The following C10orf90 variants were observed in gnomAD, a reference collection of about 807,000 sequenced individuals.
The protein encoded by C10orf90 is (E2-independent) E3 ubiquitin-conjugating enzyme FATS.
Under a neutral mutation model 62.5 loss-of-function variants are expected in C10orf90, and 56 were observed. That is an observed-to-expected ratio of 0.90 (90% CI 0.72 to 1.12). C10orf90 has a LOEUF of 1.12. C10orf90 is among the 50% of genes most tolerant of loss of function. The pLI is 0.00. For synonymous variants in C10orf90, 386 were observed against 340.4 expected (o/e 1.13, Z -1.47); for missense variants, 970 against 880.4 (o/e 1.10, Z -1.29).
intron 2 of C10orf90, among the ~76,000 whole-genome samples, chr10:126,556,257 T>C (rs2164587): frequency 0.87 from 132,655 of 152,180 alleles, 58,121 homozygotes; most frequent in Non-Finnish European, 0.92. Flanking sequence ...AATTGCAAAA[T>C]GTCAACAGCG....
At chr10:126,466,325 A>T (rs1860283504) in intron 4 of C10orf90, among the ~76,000 whole-genome samples, 1 of 151,942 alleles carries the variant, frequency 6.6e-6, no homozygotes, top group Admixed American at 6.6e-5. Context: ...CATCCTGGCT[A>T]ACACGGTGAA....
chr10:126,594,440 T>G (rs1256748393), intron 2 of C10orf90, among the ~76,000 whole-genome samples: 1 of 152,146 alleles, frequency 6.6e-6, no homozygotes, highest in East Asian at 1.9e-4. Flanking sequence ...CCTCCTGAGT[T>G]ATGTGACTCA....
chr10:126,565,222 T>TATTACATATTATGTAATATAATATTTA (rs1844332179), intron 2 of C10orf90, among the ~76,000 whole-genome samples: 1 of 63,974 alleles, frequency 1.6e-5, no homozygotes, highest in African/African-American at 5.9e-5. Context: ...ATAATTTTTA[T>TATTACATATTATGTAATATAATATTTA]ATTACATATT....
At chr10:126,630,236 C>T (rs1177512364) in intron 2 of C10orf90, among the ~76,000 whole-genome samples, 2 of 152,184 alleles carry the variant, frequency 1.3e-5, no homozygotes, top group East Asian at 1.9e-4. Flanking sequence ...CGCTGCTCTG[C>T]CTTTATGTTG....
chr10:126,538,667 G>A (rs551732260), intron 2 of C10orf90, among the ~76,000 whole-genome samples: 5 of 152,198 alleles, frequency 3.3e-5, no homozygotes, highest in South Asian at 2.1e-4. Context: ...CATATTTAAC[G>A]CAGAGGGAAT....
In C10orf90 at chr10:126,467,925, G is replaced by A. The variant is rs536122917; in HGVS notation, c.1535-2939C>T. Among the ~76,000 whole-genome samples, 23 of 152,210 alleles carry A rather than the reference G, an allele frequency of 1.5e-4. 1 individual carries two copies. In the South Asian group the frequency reaches 4.4e-3, roughly 29 times the overall value. ...GGCTTCAGACATCTGAGCTACTCTTGGATGGCACCCACCCACATTCTACGA... is the reference window on the plus strand; with the variant it reads ...GGCTTCAGACATCTGAGCTACTCTTAGATGGCACCCACCCACATTCTACGA... On this transcript the variant is annotated intron_variant, in intron 4 of 9. Transcript: ENST00000488181.
chr10:126,459,353 C>T lies in C10orf90; in HGVS notation c.2011-136G>A, dbSNP rs112226331. 9.8e-5 allele frequency: 92 copies of T among 940,358 alleles called. No homozygotes were observed. In the African/African-American group the frequency reaches 1.3e-3, roughly 13 times the overall value. 58.3% of individuals were successfully genotyped at this position (940,358 alleles called of 1,614,324 possible). On this transcript the variant is annotated intron_variant, in intron 6 of 9. Coordinates refer to ENST00000488181, the MANE Select transcript of C10orf90 (RefSeq NM_001350921.2). ...AAAGCCACGGTGCAAAAGTACGTCA[C>T]GCTTTTCTTGCACATCTTTGTGTAA...
intron 4 of C10orf90, among the ~76,000 whole-genome samples, chr10:126,491,303 G>A (rs1861758519): frequency 6.6e-6 from 1 of 152,158 alleles, no homozygotes; most frequent in African/African-American, 2.4e-5. Flanking sequence ...TGGTTTCCCA[G>A]GACTGGGGGT....
At chr10:126,493,741 C>T (rs996887144) in intron 4 of C10orf90, among the ~76,000 whole-genome samples, 1 of 152,216 alleles carries the variant, frequency 6.6e-6, no homozygotes, top group Admixed American at 6.5e-5. Flanking sequence ...AAATTCCTTT[C>T]TAAGCAACAT....
chr10:126,646,405 G>A (rs1252778881), intron 2 of C10orf90, among the ~76,000 whole-genome samples, 160 bp downstream of exon 2: 1 of 152,146 alleles, frequency 6.6e-6, no homozygotes, highest in Non-Finnish European at 1.5e-5. Flanking sequence ...ATTCAAATCA[G>A]CTTCAAATCT....
At chr10:126,486,582 T>C (rs1039050936) in intron 4 of C10orf90, among the ~76,000 whole-genome samples, 5 of 152,144 alleles carry the variant, frequency 3.3e-5, no homozygotes, top group African/African-American at 1.2e-4. Context: ...TAAACTAATA[T>C]GTTTAAAGGC....
chr10:126,542,991 A>C (rs1564864664), intron 2 of C10orf90, among the ~76,000 whole-genome samples: 1 of 152,192 alleles, frequency 6.6e-6, no homozygotes, highest in African/African-American at 2.4e-5. Flanking sequence ...AAACTGTCAA[A>C]TGTGTGTTGT....
chr10:126,469,135 A>G (rs1183064734), intron 4 of C10orf90, among the ~76,000 whole-genome samples: 4 of 152,210 alleles, frequency 2.6e-5, no homozygotes, highest in Non-Finnish European at 2.9e-5. Flanking sequence ...TAAGAAAACT[A>G]TGAAAAGCAG....
chr10:126,533,346 C>A (rs1308330600), intron 2 of C10orf90, among the ~76,000 whole-genome samples: 1 of 152,146 alleles, frequency 6.6e-6, no homozygotes, highest in Non-Finnish European at 1.5e-5. Context: ...CTCTTCCCAG[C>A]CATGTCATAC....
chr10:126,519,427 G>C (rs1863622494), intron 2 of C10orf90, among the ~76,000 whole-genome samples: 1 of 152,142 alleles, frequency 6.6e-6, no homozygotes, highest in Non-Finnish European at 1.5e-5. Flanking sequence ...CCCAAGAAAT[G>C]TGCAAATGGC....
At chr10:126,552,819 A>G (rs1864666743) in intron 2 of C10orf90, among the ~76,000 whole-genome samples, 1 of 152,266 alleles carries the variant, frequency 6.6e-6, no homozygotes, top group Admixed American at 6.5e-5. Flanking sequence ...TCATATGTAT[A>G]TTAGGAATAA....
intron 2 of C10orf90, among the ~76,000 whole-genome samples, chr10:126,553,026 T>C (rs569289843): frequency 6.6e-6 from 1 of 152,104 alleles, no homozygotes; most frequent in Admixed American, 6.5e-5. Context: ...TCCACATAAA[T>C]AATAGACCTA....
At chr10:126,561,260 G>T (rs1161358715) in intron 2 of C10orf90, among the ~76,000 whole-genome samples, 1 of 152,120 alleles carries the variant, frequency 6.6e-6, no homozygotes, top group Non-Finnish European at 1.5e-5. Context: ...CCAAAGTGTG[G>T]GCCCTCAACC....
chr10:126,497,684 CA>C (rs1862140634), intron 4 of C10orf90, among the ~76,000 whole-genome samples: 1 of 152,210 alleles, frequency 6.6e-6, no homozygotes, highest in African/African-American at 2.4e-5. Flanking sequence ...GGGGGTCACA[CA>C]TTTCTTCAGA....
Sources: allele counts gnomAD v4.1 joint callset (sites outside exome capture counted in the v4.1 genomes callset), GRCh38; gene constraint gnomAD v4.1.1; transcripts MANE v1.5; gene names NCBI Gene and HGNC (gene_info 2026-07-23, HGNC 2026-07-21).